CCDC196: variants seen among roughly 807,000 people sequenced by gnomAD.
CCDC196 encodes coiled-coil domain-containing protein 196.
chr14:66,490,333 C>A (rs2057507459), intron 4 of CCDC196, among the ~76,000 whole-genome samples: 1 of 152,220 alleles, frequency 6.6e-6, no homozygotes, highest in Non-Finnish European at 1.5e-5. Context: ...CAAATTCCAA[C>A]TCTGTACTTT....
Position 66,486,431 on chromosome 14 carries a change from G to T in CCDC196, c.-72G>T. 2.5e-6 allele frequency: 1 copy of T among 399,928 alleles called. No individual in the cohort carries two copies. The highest frequency in any genetic ancestry group is 1.4e-4 in the South Asian group (1 of 7,158). 24.8% of individuals were successfully genotyped at this position (399,928 alleles called of 1,614,324 possible). ...TCAAGAACAGCAGCACAAAAATAATGACTTAACTGGATAGAAAAAAAGGCA... is the reference window on the plus strand; with the variant it reads ...TCAAGAACAGCAGCACAAAAATAATTACTTAACTGGATAGAAAAAAAGGCA... On this transcript the variant is annotated 5_prime_UTR_variant, in exon 1 of 10. The change abolishes an upstream ATG in the 5' untranslated region. Transcript: ENST00000636229.
chr14:66,491,876 T>C (rs1459246118), intron 7 of CCDC196, among the ~76,000 whole-genome samples, 177 bp from the exon 8 acceptor site: 3 of 152,226 alleles, frequency 2.0e-5, no homozygotes, highest in Non-Finnish European at 4.4e-5. Flanking sequence ...TTTCTTCCTA[T>C]ATTCTTGATT....
intron 3 of CCDC196, among the ~76,000 whole-genome samples, 186 bp from the exon 4 acceptor site, chr14:66,488,801 C>A (rs571839808): frequency 4.2e-4 from 63 of 151,448 alleles, no homozygotes; most frequent in Non-Finnish European, 8.1e-4. Flanking sequence ...TTTTTTTTTA[C>A]CATCATCATC....
intron 4 of CCDC196, 73 bp downstream of exon 4, chr14:66,489,110 C>A: frequency 2.4e-6 from 1 of 412,484 alleles, no homozygotes; most frequent in South Asian, 1.3e-4. Context: ...TTCCTCTGGC[C>A]CCCATCCTCA....
In CCDC196 at chr14:66,498,436, T is replaced by C. The variant is rs1048300294; in HGVS notation, c.858T>C (p.Phe286=). ...QLDNTGGRLF[F]LRSLPDEALK... ...ATAATACAGGAGGGAGACTCTTTTT[T>C]CTGAGGTCATTGCCAGATGAAGCAC... The change falls in exon 10 of 10, where the codon TTT becomes TTC. Residue 286 remains phenylalanine (F), a synonymous_variant. Transcript: ENST00000636229. The C allele has an allele frequency of 9.7e-6, 4 of 413,456 alleles. No individual in the cohort carries two copies. The highest frequency in any genetic ancestry group is 2.1e-5 in the African/African-American group (1 of 48,620). 25.6% of individuals were successfully genotyped at this position (413,456 alleles called of 1,614,324 possible).
rs559141629 is a variant in CCDC196, at chr14:66,486,789, C to T, written c.183C>T (p.Asn61=). 2.4e-6 allele frequency: 1 copy of T among 413,270 alleles called. No individual in the cohort carries two copies. Among genetic ancestry groups the T allele is most frequent in the Non-Finnish European group, 4.4e-6 (1 of 226,064 alleles). 25.6% of individuals were successfully genotyped at this position (413,270 alleles called of 1,614,324 possible). ...NNLLFQKLMS[N]LEEKQRSLQI... ...TCTTATTTCAAAAGTTAATGTCTAA[C>T]TTGGAGGAAAAACAAAGGAGGTACG... is the stretch of plus-strand genomic sequence containing the variant. Residue 61 remains asparagine, a synonymous_variant, in exon 2 of 10, where the codon AAC becomes AAT. Coordinates refer to ENST00000636229, the MANE Select transcript of CCDC196 (RefSeq NM_001351576.1).
intron 4 of CCDC196, 112 bp downstream of exon 4, chr14:66,489,149 C>A (rs536602116): frequency 2.4e-6 from 1 of 409,800 alleles, no homozygotes; most frequent in South Asian, 1.3e-4. Flanking sequence ...TCCACCCATG[C>A]CTCATTCCAA....
intron 8 of CCDC196, chr14:66,495,679 A>G (rs2057646966): frequency 6.6e-6 from 1 of 152,514 alleles, no homozygotes; most frequent in South Asian, 2.1e-4. Context: ...GGTGGCACCA[A>G]CCACATCCAG....
intron 8 of CCDC196, chr14:66,496,440 C>T (rs2139615246): frequency 8.9e-6 from 4 of 450,782 alleles, no homozygotes; most frequent in South Asian, 3.1e-5. Context: ...GTGGCATTAC[C>T]GTCATCCATG....
At chr14:66,489,560 C>T (rs1294909395) in intron 4 of CCDC196, among the ~76,000 whole-genome samples, 2 of 152,124 alleles carry the variant, frequency 1.3e-5, no homozygotes, top group African/African-American at 4.8e-5. Flanking sequence ...CTCAATAGCA[C>T]TGTTTATAAT....
chr14:66,496,283 T>A (rs953291759), intron 8 of CCDC196: 1 of 456,152 alleles, frequency 2.2e-6, no homozygotes, highest in African/African-American at 2.0e-5. Flanking sequence ...TAGCCAAGAA[T>A]TCCTCCTCCC....
chr14:66,493,637 G>A (rs2057594229), intron 8 of CCDC196: 1 of 152,184 alleles, frequency 6.6e-6, no homozygotes, highest in Non-Finnish European at 1.5e-5. Flanking sequence ...ACCTCAAGAT[G>A]ATTTGATTCA....
At chr14:66,495,369 T>G (rs1052119357) in intron 8 of CCDC196, among the ~76,000 whole-genome samples, 1 of 152,278 alleles carries the variant, frequency 6.6e-6, no homozygotes, top group Admixed American at 6.5e-5. Flanking sequence ...ACATGGAGCA[T>G]GCTGAGAACT....
chr14:66,496,123 T>C (rs2057659915), intron 8 of CCDC196: 1 of 358,488 alleles, frequency 2.8e-6, no homozygotes, highest in Non-Finnish European at 5.5e-6. Flanking sequence ...CAGCGTTTCT[T>C]TTTCTCTAGT....
chr14:66,487,325 C>G (rs553050924), intron 2 of CCDC196, among the ~76,000 whole-genome samples: 1 of 152,282 alleles, frequency 6.6e-6, no homozygotes, highest in South Asian at 2.1e-4. Flanking sequence ...AGTCTCAGAA[C>G]CTCTCTCCTC....
intron 9 of CCDC196, 91 bp from the exon 10 acceptor site, chr14:66,498,262 T>C (rs2057713426): frequency 4.8e-6 from 2 of 412,524 alleles, no homozygotes; most frequent in Non-Finnish European, 8.9e-6. Context: ...TTAACATATA[T>C]TCTAATTTAA....
At chr14:66,496,726 AAGAAG>A (rs1409462591) in intron 8 of CCDC196, 1 of 167,636 alleles carries the variant, frequency 6.0e-6, no homozygotes, top group Non-Finnish European at 1.3e-5. Context: ...CTGGTGTTTA[AAGAAG>A]AGGTTTATCT....
chr14:66,493,276 T>C (rs1181980733), intron 8 of CCDC196, among the ~76,000 whole-genome samples: 1 of 152,150 alleles, frequency 6.6e-6, no homozygotes, highest in Non-Finnish European at 1.5e-5. Flanking sequence ...GCCGGGCAAA[T>C]ACACAAGAAT....
In CCDC196 at chr14:66,486,732, G is replaced by C; in HGVS notation, c.126G>C (p.Glu42Asp). The change falls in exon 2 of 10, where the codon GAG becomes GAC. Residue 42 changes from glutamate to aspartate, a missense_variant. Glu to Asp is a conservative substitution (Grantham distance 45). Transcript: ENST00000636229. ...DLKLRKQELL[E>D]MLKPLEDKNN... Reference sequence around the variant, plus strand: ...AGCTAAGGAAGCAGGAACTGCTAGAGATGCTCAAACCTCTAGAAGATAAAA... The same window carrying C: ...AGCTAAGGAAGCAGGAACTGCTAGACATGCTCAAACCTCTAGAAGATAAAA... 1 of 413,444 alleles carries C rather than the reference G, an allele frequency of 2.4e-6. No homozygotes were observed. The highest frequency in any genetic ancestry group is 2.1e-5 in the African/African-American group (1 of 48,746). The allele number at this position is 413,444 out of a possible 1,614,324, so 25.6% of individuals were successfully genotyped here.
Sources: allele counts gnomAD v4.1 joint callset (sites outside exome capture counted in the v4.1 genomes callset), GRCh38; gene constraint gnomAD v4.1.1; transcripts MANE v1.5; gene names NCBI Gene and HGNC (gene_info 2026-07-23, HGNC 2026-07-21).